CUL2: variants seen among roughly 807,000 people sequenced by gnomAD.
The protein encoded by CUL2 is cullin-2.
In CUL2, 22 loss-of-function variants were observed where a neutral mutation model predicts 110.2. The ratio of observed to expected loss-of-function variants is 0.20; its 90% CI spans 0.14 to 0.28. The LOEUF (loss-of-function observed/expected upper bound fraction) is 0.28. CUL2 is among the 10% of genes least tolerant of loss of function. CUL2 has a pLI of 1.00. For missense variants in CUL2, 631 were observed against 905.5 expected (o/e 0.70, Z 3.89); for synonymous variants, 279 against 293.2 (o/e 0.95, Z 0.49).
chr10:35,097,091 T>C (rs1255729349), intron 2 of CUL2, among the ~76,000 whole-genome samples: 1 of 152,150 alleles, frequency 6.6e-6, no homozygotes, highest in Non-Finnish European at 1.5e-5. Flanking sequence ...ATTACAGGCG[T>C]GAGCCACCGT....
chr10:35,108,924 C>G (rs2087496229), intron 1 of CUL2, among the ~76,000 whole-genome samples: 1 of 152,086 alleles, frequency 6.6e-6, no homozygotes. Context: ...AAAAACCTAG[C>G]CATTTCTGCT....
At chr10:35,103,691 C>T (rs1443322791) in intron 1 of CUL2, among the ~76,000 whole-genome samples, 3 of 151,992 alleles carry the variant, frequency 2.0e-5, no homozygotes, top group Admixed American at 2.0e-4. Context: ...AACACCTGAC[C>T]TCAAGTGATC....
At chr10:35,067,387 C>G (rs2086559782) in intron 2 of CUL2, among the ~76,000 whole-genome samples, 1 of 152,024 alleles carries the variant, frequency 6.6e-6, no homozygotes, top group Admixed American at 6.6e-5. Context: ...GAGAGAAAAC[C>G]TTGAGTAAAA....
chr10:35,084,051 C>T (rs1232984553), intron 1 of CUL2, among the ~76,000 whole-genome samples: 9 of 151,992 alleles, frequency 5.9e-5, no homozygotes, highest in Non-Finnish European at 1.0e-4. Flanking sequence ...CCAAAGAGGG[C>T]GGATCTCTTG....
intron 18 of CUL2, among the ~76,000 whole-genome samples, chr10:35,015,716 T>C (rs749630417): frequency 1.3e-5 from 2 of 152,154 alleles, no homozygotes; most frequent in African/African-American, 4.8e-5. Flanking sequence ...TAAAAATATA[T>C]GGTGGTTAAA....
intron 1 of CUL2, among the ~76,000 whole-genome samples, chr10:35,107,076 A>G (rs973724018): frequency 3.3e-5 from 5 of 151,842 alleles, no homozygotes; most frequent in African/African-American, 1.2e-4. Flanking sequence ...CCGGGTTCAC[A>G]CCATTCTCCT....
chr10:35,074,103 T>A, intron 1 of CUL2: 1 of 1,240,314 alleles, frequency 8.1e-7, no homozygotes, highest in Non-Finnish European at 1.1e-6. Context: ...CATTCCAAGC[T>A]CTGAGGATAC....
intron 5 of CUL2, among the ~76,000 whole-genome samples, chr10:35,050,703 C>T (rs1411583428): frequency 1.3e-5 from 2 of 152,154 alleles, no homozygotes; most frequent in Non-Finnish European, 2.9e-5. Flanking sequence ...CATAAATATG[C>T]CATGATTTAT....
intron 1 of CUL2, among the ~76,000 whole-genome samples, chr10:35,105,740 T>G (rs2087447007): frequency 6.7e-6 from 1 of 149,052 alleles, no homozygotes; most frequent in Admixed American, 6.7e-5. Flanking sequence ...CAAAACTAAT[T>G]ACATACAATA....
intron 2 of CUL2, among the ~76,000 whole-genome samples, chr10:35,067,085 G>A (rs1393363089): frequency 6.9e-6 from 1 of 144,538 alleles, no homozygotes; most frequent in Non-Finnish European, 1.5e-5. Flanking sequence ...GTTGGAGTGA[G>A]CCAAGATTGC....
At chr10:35,079,796 T>C (rs746576419) in intron 1 of CUL2, 2 of 154,760 alleles carry the variant, frequency 1.3e-5, no homozygotes, top group African/African-American at 4.8e-5. Flanking sequence ...GTATCCATAT[T>C]GCTAGGATCA....
At chr10:35,094,441 G>A (rs2087265933), upstream of CUL2, among the ~76,000 whole-genome samples, 1 of 152,172 alleles carries the variant, frequency 6.6e-6, no homozygotes, top group South Asian at 2.1e-4. Context: ...CACCATGTTG[G>A]TCAGGCTGGT....
chr10:35,073,943 A>C, intron 1 of CUL2: 1 of 678,162 alleles, frequency 1.5e-6, no homozygotes, highest in East Asian at 2.7e-5. Flanking sequence ...ACTGAGTCAC[A>C]AGTGATTCAG....
chr10:35,107,195 T>C (rs1309936300), intron 1 of CUL2, among the ~76,000 whole-genome samples: 13 of 151,806 alleles, frequency 8.6e-5, no homozygotes, highest in East Asian at 5.9e-4. Flanking sequence ...AGGATGGTCT[T>C]GATCTCCTGA....
At chr10:35,051,296 C>T (rs1564723842) in intron 5 of CUL2, among the ~76,000 whole-genome samples, 1 of 145,392 alleles carries the variant, frequency 6.9e-6, no homozygotes, top group Non-Finnish European at 1.5e-5. Context: ...GCCCAGGTGA[C>T]AGAGCGAGAC....
intron 5 of CUL2, among the ~76,000 whole-genome samples, chr10:35,051,652 G>A (rs78897609): frequency 0.15 from 22,933 of 152,140 alleles, 1,932 homozygotes; most frequent in East Asian, 0.24. Context: ...TCTCCTTGTG[G>A]TTTTAACTCT....
rs960215595 is a variant in CUL2, at chr10:35,031,290, C to T, written c.1386+10G>A. The stretch of plus-strand genomic sequence containing the variant: ...TTCTAGGACAATACCACATTAAAGA[C>T]TTACATTACCTTTAATTTGTTGATC... On this transcript the variant is annotated intron_variant, in intron 14 of 20. Transcript: ENST00000374749. The surrounding 1 kb of genome is among the most constrained non-coding windows in gnomAD (Gnocchi z 4.4). 2.0e-6 allele frequency: 3 copies of T among 1,533,952 alleles called. No individual in the cohort carries two copies. Among genetic ancestry groups the T allele is most frequent in the Admixed American group, 1.9e-5 (1 of 51,444 alleles).
intron 1 of CUL2, among the ~76,000 whole-genome samples, chr10:35,102,407 A>C (rs1217469480): frequency 6.6e-6 from 1 of 151,478 alleles, no homozygotes; most frequent in Non-Finnish European, 1.5e-5. Flanking sequence ...TCCTGTCTCC[A>C]CTAGAAATAC....
chr10:35,078,295 A>AT (rs201741916), intron 1 of CUL2, among the ~76,000 whole-genome samples: 395 of 142,216 alleles, frequency 2.8e-3, no homozygotes, highest in Middle Eastern at 7.5e-3. Flanking sequence ...GATCAGGTGA[A>AT]TTTTTTTTTT....
Sources: allele counts gnomAD v4.1 joint callset (sites outside exome capture counted in the v4.1 genomes callset), GRCh38; gene constraint gnomAD v4.1.1; non-coding constraint Gnocchi (gnomAD v3.1); transcripts MANE v1.5; gene names NCBI Gene and HGNC (gene_info 2026-07-23, HGNC 2026-07-21).